Variants in SFMBT2 observed in about 807,000 individuals in gnomAD.
The protein encoded by SFMBT2 is Scm like with four mbt domains 2.
A neutral mutation model predicts 110.1 loss-of-function variants in SFMBT2; 38 were observed. That is an observed-to-expected ratio of 0.35 (90% CI 0.27 to 0.45). SFMBT2 has a LOEUF of 0.45. Ranked by LOEUF, SFMBT2 falls within the 20% of genes least tolerant of loss-of-function variation. The probability of loss-of-function intolerance (pLI) is 1.00; values close to 1 mark genes in which losing one functional copy is unlikely to be tolerated. For synonymous variants in SFMBT2, 425 were observed against 425.4 expected (o/e 1.00, Z 0.01); for missense variants, 1,011 against 1,094.9 (o/e 0.92, Z 1.08).
chr10:7,180,545 G>A lies in SFMBT2; in HGVS notation c.1809-4380C>T, dbSNP rs189739270. 1.1e-4 allele frequency among the ~76,000 whole-genome samples: 17 copies of A among 152,250 alleles called. No individual in the cohort carries two copies. The East Asian group carries it at 3.1e-3, about 28-fold the overall frequency. ...AAAAAGGTCACTGGGGCCCAACTCC[G>A]GACAGCCATGAAGAGCCTTTAACCC... On this transcript the variant is annotated intron_variant, in intron 16 of 20. Coordinates refer to ENST00000397167, the MANE Select transcript of SFMBT2 (RefSeq NM_001387889.1).
intron 1 of SFMBT2, among the ~76,000 whole-genome samples, chr10:7,387,777 G>GA (rs34684925): frequency 0.014 from 1,733 of 123,258 alleles, 25 homozygotes; most frequent in Admixed American, 0.032. Context: ...TTAAAAATAG[G>GA]AAAAAAAAAA....
At chr10:7,187,318 C>T (rs1838447868) in intron 16 of SFMBT2, among the ~76,000 whole-genome samples, 1 of 152,174 alleles carries the variant, frequency 6.6e-6, no homozygotes, top group South Asian at 2.1e-4. Context: ...ACTACTACTA[C>T]AAACTTATAA....
intron 1 of SFMBT2, among the ~76,000 whole-genome samples, chr10:7,395,349 CCG>C (rs1845895458): frequency 6.6e-6 from 1 of 152,230 alleles, no homozygotes; most frequent in African/African-American, 2.4e-5. Context: ...CCCTCCATGG[CCG>C]TCTGGCTTCC....
chr10:7,400,610 C>T (rs1846051862), intron 1 of SFMBT2, among the ~76,000 whole-genome samples: 3 of 152,368 alleles, frequency 2.0e-5, no homozygotes, highest in African/African-American at 7.2e-5. Flanking sequence ...TCCTCCAGGC[C>T]GTCAGGCCTC....
intron 7 of SFMBT2, among the ~76,000 whole-genome samples, chr10:7,275,958 C>A (rs1049202395): frequency 6.6e-6 from 1 of 152,220 alleles, no homozygotes; most frequent in Non-Finnish European, 1.5e-5. Flanking sequence ...GATGTCTGCC[C>A]GTCACAACCA....
chr10:7,399,575 G>A (rs956822385), intron 1 of SFMBT2, among the ~76,000 whole-genome samples: 1 of 152,190 alleles, frequency 6.6e-6, no homozygotes, highest in African/African-American at 2.4e-5. Flanking sequence ...GTGCATGAAG[G>A]AAGTTTACTA....
chr10:7,246,427 G>A (rs1468986760), intron 8 of SFMBT2, among the ~76,000 whole-genome samples: 1 of 152,176 alleles, frequency 6.6e-6, no homozygotes, highest in Non-Finnish European at 1.5e-5. Context: ...AAAGGCATAA[G>A]AATGTGAGAG....
intron 16 of SFMBT2, among the ~76,000 whole-genome samples, chr10:7,184,076 T>A (rs2131562094): frequency 6.6e-6 from 1 of 152,286 alleles, no homozygotes; most frequent in South Asian, 2.1e-4. Flanking sequence ...TCCTTCCCAT[T>A]AGCCAAAGTA....
intron 8 of SFMBT2, among the ~76,000 whole-genome samples, chr10:7,245,163 T>C (rs74117284): frequency 0.07 from 10,676 of 152,024 alleles, 879 homozygotes; most frequent in African/African-American, 0.2. Flanking sequence ...CATCCCTGCC[T>C]TGGTGTATTT....
intron 16 of SFMBT2, among the ~76,000 whole-genome samples, chr10:7,177,600 C>A: frequency 6.6e-6 from 1 of 152,170 alleles, no homozygotes; most frequent in Non-Finnish European, 1.5e-5. Context: ...TGTGGAGGTT[C>A]ATCCTTGTCA....
intron 4 of SFMBT2, among the ~76,000 whole-genome samples, chr10:7,322,035 C>T (rs992858741): frequency 6.6e-6 from 1 of 152,156 alleles, no homozygotes; most frequent in Non-Finnish European, 1.5e-5. Flanking sequence ...TTTCACATCA[C>T]GGTACATGAT....
chr10:7,281,852 T>G (rs1841956641), intron 6 of SFMBT2, among the ~76,000 whole-genome samples: 1 of 152,176 alleles, frequency 6.6e-6, no homozygotes, highest in Admixed American at 6.5e-5. Context: ...ATCTTTTTTT[T>G]GTTTGTTTGT....
At chr10:7,285,001 C>A (rs971422287) in intron 5 of SFMBT2, 2 of 152,120 alleles carry the variant, frequency 1.3e-5, no homozygotes, top group African/African-American at 4.8e-5. Context: ...CAAAACAAAA[C>A]CCGTTAACTA....
At chr10:7,310,103 G>T (rs1842808303) in intron 4 of SFMBT2, among the ~76,000 whole-genome samples, 1 of 152,092 alleles carries the variant, frequency 6.6e-6, no homozygotes, top group Non-Finnish European at 1.5e-5. Context: ...ATATAACCTG[G>T]GGAACAAAAT....
intron 4 of SFMBT2, among the ~76,000 whole-genome samples, chr10:7,298,148 G>C (rs995474756): frequency 6.6e-6 from 1 of 152,222 alleles, no homozygotes; most frequent in African/African-American, 2.4e-5. Context: ...GGAATTCCAA[G>C]CAACTGGAGA....
chr10:7,244,719 T>C (rs1368263185), intron 8 of SFMBT2, among the ~76,000 whole-genome samples: 1 of 152,198 alleles, frequency 6.6e-6, no homozygotes, highest in Non-Finnish European at 1.5e-5. Flanking sequence ...TTAGGAAACC[T>C]TGAGAGTTTT....
In SFMBT2 at chr10:7,404,774, G is replaced by A. The variant is rs147439484; in HGVS notation, c.-52+6087C>T. Among the ~76,000 whole-genome samples the A allele has an allele frequency of 3.8e-3, 573 of 152,212 alleles. 4 individuals carry two copies. Among genetic ancestry groups the A allele is most frequent in the Non-Finnish European group, 6.4e-3 (433 of 68,024 alleles). ...CATCAGTGCATATTGACATATTACC[G>A]CTTTTGCTTTTTAAAATTTACTACA... is the stretch of plus-strand genomic sequence containing the variant. On this transcript the variant is annotated intron_variant, in intron 1 of 20. Coordinates refer to ENST00000397167, the MANE Select transcript of SFMBT2 (RefSeq NM_001387889.1).
At chr10:7,359,145 G>A (rs1353846685) in intron 4 of SFMBT2, among the ~76,000 whole-genome samples, 2 of 152,254 alleles carry the variant, frequency 1.3e-5, no homozygotes, top group Non-Finnish European at 2.9e-5. Flanking sequence ...CCTGCAGGCC[G>A]AGCTGTGCCC....
intron 1 of SFMBT2, among the ~76,000 whole-genome samples, chr10:7,398,414 C>CA (rs1454205166): frequency 6.6e-6 from 1 of 152,052 alleles, no homozygotes; most frequent in African/African-American, 2.4e-5. Context: ...TACTCTTTGC[C>CA]AACAAATTAT....
Sources: allele counts gnomAD v4.1 joint callset (sites outside exome capture counted in the v4.1 genomes callset), GRCh38; gene constraint gnomAD v4.1.1; transcripts MANE v1.5; gene names NCBI Gene and HGNC (gene_info 2026-07-23, HGNC 2026-07-21).